IP6K2: variants seen among roughly 807,000 people sequenced by gnomAD.
IP6K2 encodes inositol hexakisphosphate kinase 2.
IP6K2 carries 9 observed loss-of-function variants against 43.3 expected under a neutral mutation model. The observed-to-expected ratio is 0.21, with a 90% CI of 0.13 to 0.36. IP6K2 has a LOEUF of 0.36. Among genes scored for constraint, IP6K2 ranks in the 10% least tolerant of loss-of-function variants. IP6K2 has a pLI of 1.00. For missense variants in IP6K2, 332 were observed against 538.4 expected (o/e 0.62, Z 3.79); for synonymous variants, 209 against 202.4 (o/e 1.03, Z -0.28).
chr3:48,695,427 A>G lies in IP6K2; in HGVS notation c.-130-6T>C. ...GTTCTGGCCAGGATGCTCTGCTGGA[A>G]GCAAACAAAATGATGACATGGGGGT... On this transcript the variant is annotated splice_region_variant and splice_polypyrimidine_tract_variant and intron_variant, in intron 1 of 5. Transcript: ENST00000328631. The surrounding 1 kb of genome is among the most constrained non-coding windows in gnomAD (Gnocchi z 4.6). The G allele has an allele frequency of 7.0e-7, 1 of 1,422,210 alleles. No individual in the cohort carries two copies. Among genetic ancestry groups the G allele is most frequent in the South Asian group, 1.5e-5 (1 of 66,136 alleles). 88.1% of individuals were successfully genotyped at this position (1,422,210 alleles called of 1,614,324 possible).
intron 1 of IP6K2, among the ~76,000 whole-genome samples, chr3:48,706,806 C>A (rs1446281482): frequency 6.6e-6 from 1 of 152,102 alleles, no homozygotes; most frequent in African/African-American, 2.4e-5. Flanking sequence ...CAAAATGAGA[C>A]CCTGTCCCCA....
Sources: gnomAD v4.1 joint callset for allele counts (sites outside exome capture counted in the v4.1 genomes callset) on GRCh38, gnomAD v4.1.1 for gene constraint, Gnocchi (gnomAD v3.1) non-coding constraint, MANE v1.5 for transcripts, NCBI Gene and HGNC (gene_info 2026-07-23, HGNC 2026-07-21) for gene names.